HSPD1: variants seen among roughly 807,000 people sequenced by gnomAD.
The protein encoded by HSPD1 is 60 kDa heat shock protein, mitochondrial.
HSPD1 carries 3 observed loss-of-function variants against 53.0 expected under a neutral mutation model. The ratio of observed to expected loss-of-function variants is 0.06; its 90% CI spans 0.03 to 0.15. The LOEUF is 0.15. Among genes scored for constraint, HSPD1 ranks in the 10% least tolerant of loss-of-function variants. The pLI is 1.00. For synonymous variants in HSPD1, 200 were observed against 228.0 expected, an observed-to-expected ratio of 0.88 and a Z score of 1.10; for missense variants, 431 against 694.1, an observed-to-expected ratio of 0.62 and a Z score of 4.26.
chr2:197,487,765 T>C, intron 11 of HSPD1, 93 bp downstream of exon 11: 3 of 1,055,140 alleles, frequency 2.8e-6, no homozygotes, highest in South Asian at 2.6e-5. Flanking sequence ...TATTAGACTA[T>C]TTTTCTGGTG....
Position 197,489,209 on chromosome 2 carries a change from G to T in HSPD1, c.1008C>A (p.Asp336Glu). Residue 336 changes from aspartate (D) to glutamate (E), a missense_variant, in exon 9 of 12, where the codon GAC becomes GAA. By Grantham distance (45) the Asp-to-Glu change is conservative. Transcript: ENST00000388968. ...CTTTTCCTAAGTCATGAGGCTGAAC[G>T]TCTTCAAGATTCAGGGTCAATCCCT... ...GEEGLTLNLEDVQPHDLGKVG... is the reference protein window; with the variant it reads ...GEEGLTLNLEEVQPHDLGKVG... The T allele has an allele frequency of 3.1e-6, 5 of 1,613,968 alleles. No homozygotes were observed. Among genetic ancestry groups the T allele is most frequent in the Non-Finnish European group, 4.2e-6 (5 of 1,179,816 alleles).
At position 197,494,543 on chromosome 2, in the gene HSPD1, A is replaced by ACCT. The variant is rs34314224; in HGVS notation, c.606+113_606+114insAGG. 16 of 743,728 alleles carry ACCT rather than the reference A, an allele frequency of 2.2e-5. No individual in the cohort carries two copies. The South Asian group carries it at 2.5e-4, about 12-fold the overall frequency. 46.1% of individuals were successfully genotyped at this position (743,728 alleles called of 1,614,324 possible). On this transcript the variant is annotated intron_variant, in intron 5 of 11. Coordinates refer to ENST00000388968, the MANE Select transcript of HSPD1 (RefSeq NM_002156.5). Reference sequence around the variant, plus strand: ...CTACATATGAAGGAATAAAAAAAGCAGTTTTTAAAACAGAATTTTTCTGTT... The same window carrying ACCT: ...CTACATATGAAGGAATAAAAAAAGCACCTGTTTTTAAAACAGAATTTTTCTGTT...
At chr2:197,498,610 C>A in intron 2 of HSPD1, 65 bp downstream of exon 2, 3 of 1,367,148 alleles carry the variant, frequency 2.2e-6, no homozygotes, top group East Asian at 2.3e-5. Context: ...TAGTTCAGTG[C>A]GACTATTTGT....
Position 197,488,996 on chromosome 2 carries a change from T to C in HSPD1, c.1215+6A>G. 1 of 1,613,984 alleles carries C rather than the reference T, an allele frequency of 6.2e-7. No individual in the cohort carries two copies. The highest frequency in any genetic ancestry group is 8.5e-7 in the Non-Finnish European group (1 of 1,179,850). ...CAAGAAACTTATTCATAATAATGAATGTTACCTTCAGCACAGCCACTCCAT... is the reference window on the plus strand; with the variant it reads ...CAAGAAACTTATTCATAATAATGAACGTTACCTTCAGCACAGCCACTCCAT... On this transcript the variant is annotated splice_donor_region_variant and intron_variant, in intron 9 of 11. Transcript: ENST00000388968.
chr2:197,497,174 A>G lies in HSPD1; in HGVS notation c.393T>C (p.Ile131=), dbSNP rs769386805. 15 of 1,614,176 alleles carry G rather than the reference A, an allele frequency of 9.3e-6. No individual in the cohort carries two copies. The highest frequency in any genetic ancestry group is 1.3e-5 in the Non-Finnish European group (15 of 1,179,982). ...TTTCCACTGGATTAGCACCTTTGCT[A>G]ATCTTCTCGAAGCCTTCCTTGGCTA... ...RSIAKEGFEK[I]SKGANPVEIR... Residue 131 remains isoleucine (I), a synonymous_variant, in exon 3 of 12, where the codon ATT becomes ATC. Transcript: ENST00000388968.
chr2:197,494,106 C>CT (rs748589753), intron 6 of HSPD1, 51 bp downstream of exon 6: 9 of 910,444 alleles, frequency 9.9e-6, no homozygotes, highest in Non-Finnish European at 1.4e-5. Context: ...GAATGAGACT[C>CT]TGTCTAAAAT....
At chr2:197,498,903 G>T in intron 1 of HSPD1, 53 bp from the exon 2 acceptor site, 2 of 1,502,066 alleles carry the variant, frequency 1.3e-6, no homozygotes, top group Non-Finnish European at 1.9e-6. Context: ...GTGCGCTGCA[G>T]AACAAACATG....
Position 197,487,014 on chromosome 2 carries a change from TC to T in HSPD1, c.*31del. 1 of 1,060,128 alleles carries T rather than the reference TC, an allele frequency of 9.4e-7. No individual in the cohort carries two copies. Among genetic ancestry groups the T allele is most frequent in the South Asian group, 1.3e-5 (1 of 79,142 alleles). The allele number at this position is 1,060,128 out of a possible 1,614,324, so 65.7% of individuals were successfully genotyped here. ...ACTGCCTTGGGCTTCCTGTCACAGT[TC>T]ATTAATAAAGGTAAAGCACTAGTCT... On this transcript the variant is annotated 3_prime_UTR_variant, in exon 12 of 12. Transcript: ENST00000388968.
chr2:197,497,478 C>T, intron 2 of HSPD1, 86 bp from the exon 3 acceptor site: 1 of 1,350,106 alleles, frequency 7.4e-7, no homozygotes, highest in Non-Finnish European at 1.1e-6. Context: ...AATAAAGCAA[C>T]TACTTCAAAG....
intron 3 of HSPD1, 25 bp from the exon 4 acceptor site, chr2:197,495,401 CA>C (rs1397010958): frequency 7.2e-7 from 1 of 1,381,936 alleles, no homozygotes; most frequent in African/African-American, 1.4e-5. Flanking sequence ...TATGTCATTA[CA>C]ATGTTTATTT....
In HSPD1 at chr2:197,494,952, T is replaced by C. The variant is rs2086139894; in HGVS notation, c.511-200A>G. 5.4e-5 allele frequency: 33 copies of C among 614,738 alleles called. No homozygotes were observed. In the South Asian group the frequency reaches 6.4e-4, roughly 12 times the overall value. The allele number at this position is 614,738 out of a possible 1,614,324, so 38.1% of individuals were successfully genotyped here. A position where few individuals can be genotyped will look rare whatever the true frequency, so the allele number is the denominator to read the frequency against. ...TATTTGACTACATTGTTTTGAAGAA[T>C]ATGATACATAAAACTATTCTTGTAA... On this transcript the variant is annotated intron_variant, in intron 4 of 11. Transcript: ENST00000388968.
In HSPD1 at chr2:197,495,339, A is replaced by T. The variant is rs757290173; in HGVS notation, c.465T>A (p.Leu155=). 1 of 1,611,210 alleles carries T rather than the reference A, an allele frequency of 6.2e-7. No homozygotes were observed. Among genetic ancestry groups the T allele is most frequent in the South Asian group, 1.1e-5 (1 of 91,022 alleles). ...MLAVDAVIAE[L]KKQSKPVTTP... Reference sequence around the variant, plus strand: ...TGGTCACAGGTTTAGACTGCTTTTTAAGTTCAGCAATTACAGCATCAACAG... The same window carrying T: ...TGGTCACAGGTTTAGACTGCTTTTTTAGTTCAGCAATTACAGCATCAACAG... Residue 155 remains leucine, a synonymous_variant, in exon 4 of 12, where the codon CTT becomes CTA. Coordinates refer to ENST00000388968, the MANE Select transcript of HSPD1 (RefSeq NM_002156.5).
intron 5 of HSPD1, 39 bp downstream of exon 5, chr2:197,494,618 A>G (rs755562674): frequency 7.0e-6 from 8 of 1,137,688 alleles, no homozygotes; most frequent in African/African-American, 6.2e-5. Context: ...TGATCATAAG[A>G]TAACTCAAAA....
In HSPD1 at chr2:197,495,390, A is replaced by G. The variant is rs371032753; in HGVS notation, c.428-14T>C. The G allele has an allele frequency of 5.4e-6, 8 of 1,481,862 alleles. No homozygotes were observed. Among genetic ancestry groups the G allele is most frequent in the Middle Eastern group, 3.4e-4 (2 of 5,830 alleles). 91.8% of individuals were successfully genotyped at this position (1,481,862 alleles called of 1,614,324 possible). A position where few individuals can be genotyped will look rare whatever the true frequency, so the allele number is the denominator to read the frequency against. ...CTAACATCACACCTAGTTCAACGAT[A>G]TATGTCATTACAATGTTTATTTCTC... On this transcript the variant is annotated splice_polypyrimidine_tract_variant and intron_variant, in intron 3 of 11. Transcript: ENST00000388968.
chr2:197,495,054 C>T, intron 4 of HSPD1: 1 of 599,304 alleles, frequency 1.7e-6, no homozygotes, highest in Non-Finnish European at 3.0e-6. Flanking sequence ...AGAACATTTT[C>T]ACAATCATAT....
rs950458504 is a variant in HSPD1, at chr2:197,489,266, G to A, written c.970-19C>T. ...CAAACACCTACAAAAAGAGTTAAACGTAAACCTGTTGTAGGTTACAGTTTC... is the reference window on the plus strand; with the variant it reads ...CAAACACCTACAAAAAGAGTTAAACATAAACCTGTTGTAGGTTACAGTTTC... On this transcript the variant is annotated intron_variant, in intron 8 of 11. Transcript: ENST00000388968. 3.7e-6 allele frequency: 6 copies of A among 1,613,724 alleles called. No homozygotes were observed. Among genetic ancestry groups the A allele is most frequent in the Non-Finnish European group, 4.2e-6 (5 of 1,179,668 alleles).
upstream of HSPD1, chr2:197,500,129 C>T: frequency 2.1e-6 from 1 of 481,698 alleles, no homozygotes; most frequent in Non-Finnish European, 3.8e-6. Flanking sequence ...CGCGTCATTT[C>T]CGGGAGGGGA....
intron 4 of HSPD1, 174 bp downstream of exon 4, chr2:197,495,120 G>C (rs2086141689): frequency 1.6e-6 from 1 of 630,442 alleles, no homozygotes; most frequent in Non-Finnish European, 2.9e-6. Context: ...AGAACTAAAT[G>C]ACAACCATTA....
chr2:197,488,918 A>C lies in HSPD1; in HGVS notation c.1215+84T>G, dbSNP rs190598973. The C allele has an allele frequency of 2.4e-5, 32 of 1,351,714 alleles. No homozygotes were observed. In the Admixed American group the frequency reaches 3.0e-4, roughly 13 times the overall value. The allele number at this position is 1,351,714 out of a possible 1,614,324, so 83.7% of individuals were successfully genotyped here. A position where few individuals can be genotyped will look rare whatever the true frequency, so the allele number is the denominator to read the frequency against. ...ATTCCTCAAGTATTCGTTTAGTTCT[A>C]TGGTACTACTGGGGAATACTACAGA... On this transcript the variant is annotated intron_variant, in intron 9 of 11. Coordinates refer to ENST00000388968, the MANE Select transcript of HSPD1 (RefSeq NM_002156.5).
Sources: gnomAD v4.1 joint callset for allele counts on GRCh38, gnomAD v4.1.1 for gene constraint, MANE v1.5 for transcripts, NCBI Gene and HGNC (gene_info 2026-07-23, HGNC 2026-07-21) for gene names.